The following STEAP4 variants were observed in gnomAD, a reference collection of about 807,000 sequenced individuals.
STEAP4 encodes the protein metalloreductase STEAP4.
Under a neutral mutation model 43.6 loss-of-function variants are expected in STEAP4, and 36 were observed. That is an observed-to-expected ratio of 0.83 (90% CI 0.63 to 1.09). STEAP4 has a LOEUF of 1.09. Ranked by LOEUF, STEAP4 falls within the 50% of genes least tolerant of loss-of-function variation. The pLI is 0.00. For synonymous variants in STEAP4, 191 were observed against 196.7 expected (o/e 0.97, Z 0.24); for missense variants, 495 against 546.5 (o/e 0.91, Z 0.94).
At position 88,279,456 on chromosome 7, in the gene STEAP4, C is replaced by T; in HGVS notation, c.1322G>A (p.Cys441Tyr). Residue 441 changes from cysteine (C) to tyrosine (Y), a missense_variant, in exon 5 of 5, where the codon TGT (cysteine) becomes TAT (tyrosine). Coordinates refer to ENST00000380079, the MANE Select transcript of STEAP4 (RefSeq NM_024636.4). ...LVIKFVLIMP[C>Y]VDNTLTRIRQ... ...GATCCTTGTAAGGGTGTTGTCTACA[C>T]ATGGCATGATTAGGACAAACTTGAT... 2 of 1,614,108 alleles carry T rather than the reference C, an allele frequency of 1.2e-6. No individual in the cohort carries two copies. The highest frequency in any genetic ancestry group is 8.5e-7 in the Non-Finnish European group (1 of 1,180,018).
In STEAP4 at chr7:88,275,729, T is replaced by C. The variant is rs1471439091; in HGVS notation, c.*3669A>G. On this transcript the variant is annotated 3_prime_UTR_variant, in exon 5 of 5. Coordinates refer to ENST00000380079, the MANE Select transcript of STEAP4 (RefSeq NM_024636.4). ...TACCATGACTGCCATTACACCTTAA[T>C]TTTGGAACAGAGTTCCAGAAGCTTT... is the stretch of plus-strand genomic sequence containing the variant. 6.6e-6 allele frequency: 1 copy of C among 152,064 alleles called. No individual in the cohort carries two copies. The highest frequency in any genetic ancestry group is 2.1e-4 in the South Asian group (1 of 4,818). The allele number at this position is 152,064 out of a possible 1,614,324, so 9.4% of individuals were successfully genotyped here.
At chr7:88,305,082 G>C (rs1853106569) in intron 1 of STEAP4, among the ~76,000 whole-genome samples, 2 of 152,142 alleles carry the variant, frequency 1.3e-5, no homozygotes, top group Admixed American at 6.5e-5. Flanking sequence ...GCGAGCTTTA[G>C]TAAGGCAGAA....
At chr7:88,294,282 G>A (rs1216628090) in intron 1 of STEAP4, among the ~76,000 whole-genome samples, 1 of 151,946 alleles carries the variant, frequency 6.6e-6, no homozygotes, top group Non-Finnish European at 1.5e-5. Flanking sequence ...TAAACGGTTT[G>A]TATAAAATTA....
rs753535549 is a variant in STEAP4 at position 88,275,801 on chromosome 7, G to A, written c.*3597C>T. ...CATAATATGCATTTATCATTATCAT[G>A]GCTCTTTTGTGATCCCTGAACAATA... On this transcript the variant is annotated 3_prime_UTR_variant, in exon 5 of 5. Coordinates refer to ENST00000380079, the MANE Select transcript of STEAP4 (RefSeq NM_024636.4). 4.6e-5 allele frequency: 7 copies of A among 152,026 alleles called. No homozygotes were observed. Among genetic ancestry groups the A allele is most frequent in the Non-Finnish European group, 7.4e-5 (5 of 68,000 alleles). The allele number at this position is 152,026 out of a possible 1,614,324, so 9.4% of individuals were successfully genotyped here.
chr7:88,303,166 T>C (rs1853066032), intron 1 of STEAP4, among the ~76,000 whole-genome samples: 1 of 146,218 alleles, frequency 6.8e-6, no homozygotes, highest in Non-Finnish European at 1.5e-5. Context: ...ATGTTAGGAT[T>C]GATCATATAA....
chr7:88,287,539 A>T (rs1161782802), intron 1 of STEAP4, among the ~76,000 whole-genome samples: 1 of 152,190 alleles, frequency 6.6e-6, no homozygotes, highest in Admixed American at 6.5e-5. Flanking sequence ...GAGCACGAAG[A>T]TCAGAGTTCT....
Position 88,283,900 on chromosome 7 carries a change from A to G in STEAP4, c.370T>C (p.Leu124=). 2 of 1,614,182 alleles carry G rather than the reference A, an allele frequency of 1.2e-6. No individual in the cohort carries two copies. Among genetic ancestry groups the G allele is most frequent in the South Asian group, 1.1e-5 (1 of 91,084 alleles). The change falls in exon 2 of 5, where the codon TTG becomes CTG. Residue 124 remains leucine (L), a synonymous_variant. Transcript: ENST00000380079. ...PESNAEYLAH[L]VPGAHVVKAF... is the part of the protein sequence containing the mutation. ...TTTACCACGTGGGCTCCTGGCACCA[A>G]ATGAGCAAGGTACTCTGCATTAGAT...
intron 4 of STEAP4, 27 bp from the exon 5 acceptor site, chr7:88,279,655 AGTT>A: frequency 6.5e-7 from 1 of 1,543,862 alleles, no homozygotes; most frequent in East Asian, 2.3e-5. Flanking sequence ...AAAATATGTA[AGTT>A]AACATTATTT....
intron 1 of STEAP4, among the ~76,000 whole-genome samples, chr7:88,299,753 G>A (rs1055448850): frequency 6.6e-6 from 1 of 152,170 alleles, no homozygotes; most frequent in Non-Finnish European, 1.5e-5. Flanking sequence ...TTTAGATTAA[G>A]GCCAATAGGA....
chr7:88,302,380 G>T (rs984546314), intron 1 of STEAP4, among the ~76,000 whole-genome samples: 2 of 152,224 alleles, frequency 1.3e-5, no homozygotes, highest in Non-Finnish European at 2.9e-5. Context: ...CAGAGCAGAC[G>T]AATGTGTAGA....
At chr7:88,292,455 C>A (rs966867503) in intron 1 of STEAP4, 1 of 152,028 alleles carries the variant, frequency 6.6e-6, no homozygotes, top group Non-Finnish European at 1.5e-5. Flanking sequence ...AAAAATAAAT[C>A]AATCAAACTT....
At chr7:88,300,500 C>T (rs1853013982) in intron 1 of STEAP4, among the ~76,000 whole-genome samples, 1 of 152,176 alleles carries the variant, frequency 6.6e-6, no homozygotes, top group African/African-American at 2.4e-5. Flanking sequence ...CACCTTTGGC[C>T]TCCCAAAGCG....
At chr7:88,305,914 A>AT (rs1215946761) in intron 1 of STEAP4, among the ~76,000 whole-genome samples, 1 of 152,046 alleles carries the variant, frequency 6.6e-6, no homozygotes, top group African/African-American at 2.4e-5. Flanking sequence ...CCCCTCCCCC[A>AT]TTCTCTATCC....
intron 1 of STEAP4, chr7:88,292,078 C>A (rs1049801454): frequency 6.6e-6 from 1 of 152,356 alleles, no homozygotes; most frequent in African/African-American, 2.4e-5. Context: ...TCTGAGAAAC[C>A]ATGTGTGTGT....
Position 88,276,121 on chromosome 7 carries a change from C to G in STEAP4, c.*3277G>C, listed in dbSNP as rs1852509712. On this transcript the variant is annotated 3_prime_UTR_variant, in exon 5 of 5. Transcript: ENST00000380079. ...AGCCTTTTTTACCTCCAAATTCTCA[C>G]AAAAATCCAGCGTGGGATAGTGCAG... 2.0e-5 allele frequency: 3 copies of G among 152,220 alleles called. No individual in the cohort carries two copies. The South Asian group carries it at 6.2e-4, about 32-fold the overall frequency. 9.4% of individuals were successfully genotyped at this position (152,220 alleles called of 1,614,324 possible). A position where few individuals can be genotyped will look rare whatever the true frequency, so the allele number is the denominator to read the frequency against.
intron 1 of STEAP4, chr7:88,293,067 T>C (rs1852863062): frequency 6.6e-6 from 1 of 152,212 alleles, no homozygotes. Flanking sequence ...ATGGTGTTTG[T>C]TTAGCATTCT....
intron 1 of STEAP4, among the ~76,000 whole-genome samples, chr7:88,305,032 A>G (rs1009276549): frequency 1.6e-4 from 24 of 152,176 alleles, no homozygotes; most frequent in African/African-American, 5.3e-4. Flanking sequence ...TTTATTAACA[A>G]TCTTAAAAAG....
intron 4 of STEAP4, among the ~76,000 whole-genome samples, chr7:88,280,684 T>C (rs1852603076): frequency 6.6e-6 from 1 of 152,204 alleles, no homozygotes; most frequent in Admixed American, 6.5e-5. Context: ...GCCTTGTACC[T>C]AGTACATCTC....
In STEAP4 at chr7:88,297,460, A is replaced by C. The variant is rs1586752665; in HGVS notation, c.-3+9332T>G. 2.0e-5 allele frequency among the ~76,000 whole-genome samples: 3 copies of C among 152,330 alleles called. No homozygotes were observed. In the South Asian group the frequency reaches 6.2e-4, roughly 32 times the overall value. On this transcript the variant is annotated intron_variant, in intron 1 of 4. Coordinates refer to ENST00000380079, the MANE Select transcript of STEAP4 (RefSeq NM_024636.4). ...GCATAAATCTCTCCAAGGAGGTGCCAGTCAAGTGAGGGTTGCCAGATTTAG... is the reference window on the plus strand; with the variant it reads ...GCATAAATCTCTCCAAGGAGGTGCCCGTCAAGTGAGGGTTGCCAGATTTAG...
Sources: gnomAD v4.1 joint callset for allele counts (sites outside exome capture counted in the v4.1 genomes callset) on GRCh38, gnomAD v4.1.1 for gene constraint, MANE v1.5 for transcripts, NCBI Gene and HGNC (gene_info 2026-07-23, HGNC 2026-07-21) for gene names.